Variants in GSG1L observed in about 807,000 individuals in gnomAD.
The protein encoded by GSG1L is germ cell-specific gene 1-like protein.
A neutral mutation model predicts 42.1 loss-of-function variants in GSG1L; 24 were observed. The ratio of observed to expected loss-of-function variants is 0.57; its 90% CI spans 0.41 to 0.80. The LOEUF is 0.80. GSG1L is among the 30% of genes least tolerant of loss of function. The pLI, the probability that GSG1L is intolerant of heterozygous loss-of-function variation, is 0.00. For synonymous variants in GSG1L, 215 were observed against 203.5 expected, an observed-to-expected ratio of 1.06 and a Z score of -0.48; for missense variants, 445 against 472.2, an observed-to-expected ratio of 0.94 and a Z score of 0.53.
chr16:27,999,532 G>A (rs2085558878), intron 1 of GSG1L, among the ~76,000 whole-genome samples: 1 of 152,136 alleles, frequency 6.6e-6, no homozygotes, highest in South Asian at 2.1e-4. Context: ...GGCCCATCAT[G>A]GGAACTCTAT....
chr16:27,933,435 C>T (rs2084678080), intron 2 of GSG1L, among the ~76,000 whole-genome samples: 1 of 151,844 alleles, frequency 6.6e-6, no homozygotes, highest in Non-Finnish European at 1.5e-5. Context: ...TTGCTTGGGG[C>T]CAGGAGTTTT....
At chr16:27,920,234 GT>G (rs36018954) in intron 2 of GSG1L, among the ~76,000 whole-genome samples, 67,722 of 151,960 alleles carry the variant, frequency 0.45, 15,824 homozygotes, top group African/African-American at 0.59. Context: ...GTGGGCGAAG[GT>G]GGTGAGGAAT....
At chr16:27,985,689 A>G (rs2141129675) in intron 1 of GSG1L, among the ~76,000 whole-genome samples, 1 of 152,150 alleles carries the variant, frequency 6.6e-6, no homozygotes, top group African/African-American at 2.4e-5. Flanking sequence ...ACTAAAAAAA[A>G]AAATACAAAG....
At chr16:28,007,486 G>A (rs986517050) in intron 1 of GSG1L, among the ~76,000 whole-genome samples, 3 of 87,732 alleles carry the variant, frequency 3.4e-5, no homozygotes, top group African/African-American at 2.3e-4. Flanking sequence ...GTGGTTGGTT[G>A]GTTGGTTGGT....
intron 1 of GSG1L, among the ~76,000 whole-genome samples, chr16:27,983,200 C>T (rs765078843): frequency 3.3e-5 from 5 of 151,826 alleles, no homozygotes; most frequent in Admixed American, 2.6e-4. Flanking sequence ...CTGGGCATGG[C>T]GGTGCATGCC....
At chr16:27,851,694 C>T (rs559038289) in intron 3 of GSG1L, among the ~76,000 whole-genome samples, 55 of 152,316 alleles carry the variant, frequency 3.6e-4, no homozygotes, top group African/African-American at 1.2e-3. Context: ...GTGTGAGATC[C>T]GTGCTCATGA....
intron 1 of GSG1L, among the ~76,000 whole-genome samples, chr16:28,041,848 G>A (rs1003246587): frequency 6.6e-6 from 1 of 152,160 alleles, no homozygotes; most frequent in East Asian, 1.9e-4. Context: ...TCTCAGCCTC[G>A]TGCCCTCGCT....
At chr16:28,057,433 T>TG (rs1407683123) in intron 1 of GSG1L, among the ~76,000 whole-genome samples, 1 of 151,968 alleles carries the variant, frequency 6.6e-6, no homozygotes, top group Non-Finnish European at 1.5e-5. Flanking sequence ...AACTGGTTGG[T>TG]GGGGGGGCAC....
chr16:27,908,641 G>A, intron 2 of GSG1L, among the ~76,000 whole-genome samples: 1 of 152,198 alleles, frequency 6.6e-6, no homozygotes, highest in South Asian at 2.1e-4. Context: ...TTGCATGGCA[G>A]GAAGGGCAAG....
At chr16:27,836,595 T>C (rs2083323752) in intron 4 of GSG1L, among the ~76,000 whole-genome samples, 1 of 152,212 alleles carries the variant, frequency 6.6e-6, no homozygotes, top group Admixed American at 6.5e-5. Context: ...TGTCCTATCT[T>C]CAAGTTCATT....
intron 6 of GSG1L, among the ~76,000 whole-genome samples, chr16:27,793,954 G>A (rs1324310839): frequency 6.6e-6 from 1 of 152,234 alleles, no homozygotes; most frequent in Non-Finnish European, 1.5e-5. Flanking sequence ...GTGAGTCAGA[G>A]ACAGTGCCAA....
intron 3 of GSG1L, among the ~76,000 whole-genome samples, chr16:27,869,071 A>AGGTGG (rs2083768801): frequency 6.6e-6 from 1 of 152,172 alleles, no homozygotes; most frequent in Admixed American, 6.5e-5. Flanking sequence ...GACAGCCAGG[A>AGGTGG]GATGGGAGCA....
At chr16:27,994,303 G>C (rs1174971585) in intron 1 of GSG1L, among the ~76,000 whole-genome samples, 1 of 151,838 alleles carries the variant, frequency 6.6e-6, no homozygotes, top group Non-Finnish European at 1.5e-5. Flanking sequence ...CCCTTGGGGG[G>C]GTTCAGAATG....
At chr16:27,961,150 C>A (rs185463167) in intron 2 of GSG1L, among the ~76,000 whole-genome samples, 1 of 152,246 alleles carries the variant, frequency 6.6e-6, no homozygotes, top group African/African-American at 2.4e-5. Context: ...TACATGTGCA[C>A]GCATGTGTAC....
At chr16:27,841,135 G>A (rs1294737413) in intron 4 of GSG1L, among the ~76,000 whole-genome samples, 1 of 152,228 alleles carries the variant, frequency 6.6e-6, no homozygotes, top group African/African-American at 2.4e-5. Flanking sequence ...ACCCCCATGA[G>A]GCGGAAATTC....
chr16:27,905,935 A>C (rs117510475), intron 2 of GSG1L, among the ~76,000 whole-genome samples: 3 of 152,216 alleles, frequency 2.0e-5, no homozygotes, highest in Non-Finnish European at 4.4e-5. Context: ...GAAGTCTAAA[A>C]ATATCTAGAC....
At chr16:27,894,164 T>C (rs1394139988) in intron 2 of GSG1L, among the ~76,000 whole-genome samples, 3 of 152,210 alleles carry the variant, frequency 2.0e-5, no homozygotes, top group Admixed American at 6.5e-5. Flanking sequence ...TACATCGCCA[T>C]TGAACCTCAG....
At chr16:27,982,782 G>A (rs886395822) in intron 1 of GSG1L, among the ~76,000 whole-genome samples, 3 of 152,074 alleles carry the variant, frequency 2.0e-5, no homozygotes, top group Non-Finnish European at 4.4e-5. Flanking sequence ...AGAGAGGAGA[G>A]GACCTTCCAG....
chr16:27,946,452 A>C, intron 2 of GSG1L, among the ~76,000 whole-genome samples: 1 of 151,344 alleles, frequency 6.6e-6, no homozygotes. Flanking sequence ...GGCTGAGGCA[A>C]AAGAATCGCT....
Sources: gnomAD v4.1 joint callset for allele counts (sites outside exome capture counted in the v4.1 genomes callset) on GRCh38, gnomAD v4.1.1 for gene constraint, MANE v1.5 for transcripts, NCBI Gene and HGNC (gene_info 2026-07-23, HGNC 2026-07-21) for gene names.